CCDC146: variants seen among roughly 807,000 people sequenced by gnomAD.
CCDC146 encodes coiled-coil domain-containing protein 146.
CCDC146 carries 92 observed loss-of-function variants against 119.3 expected under a neutral mutation model. The ratio of observed to expected loss-of-function variants is 0.77; its 90% CI spans 0.65 to 0.92. The LOEUF (loss-of-function observed/expected upper bound fraction) is 0.92, where lower values mean the gene tolerates loss of function less well. Among genes scored for constraint, CCDC146 ranks in the 40% least tolerant of loss-of-function variants. The probability of loss-of-function intolerance (pLI) is 0.00; values close to 1 mark genes in which losing one functional copy is unlikely to be tolerated. For missense variants in CCDC146, 1,000 were observed against 1,103.0 expected, an observed-to-expected ratio of 0.91 and a Z score of 1.32; for synonymous variants, 372 against 371.8, an observed-to-expected ratio of 1.00 and a Z score of -0.01.
At chr7:77,124,025 T>C (rs962136553) in intron 1 of CCDC146, among the ~76,000 whole-genome samples, 30 of 152,354 alleles carry the variant, frequency 2.0e-4, no homozygotes, top group South Asian at 1.0e-3. Flanking sequence ...AAAAAGGCAC[T>C]GGTTTAAGGA....
chr7:77,176,500 C>A (rs982836590), intron 2 of CCDC146, among the ~76,000 whole-genome samples: 1 of 145,068 alleles, frequency 6.9e-6, no homozygotes, highest in Non-Finnish European at 1.5e-5. Context: ...TGGCACCATA[C>A]ATGAGAGTTC....
At chr7:77,271,332 G>A (rs1793509013) in intron 9 of CCDC146, among the ~76,000 whole-genome samples, 1 of 151,302 alleles carries the variant, frequency 6.6e-6, no homozygotes, top group Non-Finnish European at 1.5e-5. Flanking sequence ...CTCCCGTGCT[G>A]GACCCTTCCT....
intron 2 of CCDC146, among the ~76,000 whole-genome samples, chr7:77,204,492 G>T (rs762940346): frequency 6.6e-6 from 1 of 152,172 alleles, no homozygotes; most frequent in Non-Finnish European, 1.5e-5. Context: ...TACAATGAAA[G>T]ATCTATTATG....
rs1286653163 is a variant in CCDC146 at position 77,286,874 on chromosome 7, T to A, written c.2225T>A (p.Phe742Tyr). 1 of 1,614,146 alleles carries A rather than the reference T, an allele frequency of 6.2e-7. No individual in the cohort carries two copies. Among genetic ancestry groups the A allele is most frequent in the Non-Finnish European group, 8.5e-7 (1 of 1,179,982 alleles). The change falls in exon 16 of 19, where the codon TTC (phenylalanine) becomes TAC (tyrosine). Residue 742 changes from phenylalanine to tyrosine, a missense_variant. Transcript: ENST00000285871. ...CCTGATGGTGAGAATAGAGCTCGCTTCCTTCCAGGGAAAGATCTGACCGAA... is the reference window on the plus strand; with the variant it reads ...CCTGATGGTGAGAATAGAGCTCGCTACCTTCCAGGGAAAGATCTGACCGAA... ...VKPDGENRAR[F>Y]LPGKDLTEKE... is the part of the protein sequence containing the mutation.
intron 2 of CCDC146, among the ~76,000 whole-genome samples, chr7:77,178,813 G>A (rs1418038499): frequency 7.2e-5 from 11 of 152,194 alleles, no homozygotes; most frequent in Non-Finnish European, 1.0e-4. Flanking sequence ...TGGAAAGCTC[G>A]TGGCTCTTAG....
intron 2 of CCDC146, among the ~76,000 whole-genome samples, chr7:77,189,082 C>G (rs1791716721): frequency 6.6e-6 from 1 of 152,132 alleles, no homozygotes; most frequent in Non-Finnish European, 1.5e-5. Flanking sequence ...CCCTAGATGT[C>G]TTTCCTGAAC....
chr7:77,128,923 C>T (rs1204490686), intron 1 of CCDC146, among the ~76,000 whole-genome samples: 2 of 152,072 alleles, frequency 1.3e-5, no homozygotes, highest in African/African-American at 4.8e-5. Flanking sequence ...AAGGGGCCCA[C>T]AAAAACTGTA....
At chr7:77,184,530 C>T (rs138600636) in intron 2 of CCDC146, among the ~76,000 whole-genome samples, 1 of 152,278 alleles carries the variant, frequency 6.6e-6, no homozygotes, top group Non-Finnish European at 1.5e-5. Context: ...TTGTAAATGA[C>T]ACATTCTGAA....
At chr7:77,230,248 C>T (rs1208001881) in intron 2 of CCDC146, among the ~76,000 whole-genome samples, 2 of 151,946 alleles carry the variant, frequency 1.3e-5, no homozygotes, top group African/African-American at 4.8e-5. Context: ...ATGACGCTGC[C>T]ATATTTGTGT....
At chr7:77,271,234 A>G (rs901595428) in intron 9 of CCDC146, among the ~76,000 whole-genome samples, 1 of 151,816 alleles carries the variant, frequency 6.6e-6, no homozygotes, top group Non-Finnish European at 1.5e-5. Context: ...GGGTGGGCAC[A>G]ATCTAATCAG....
In CCDC146 at chr7:77,282,697, C is replaced by T; in HGVS notation, c.2060C>T (p.Ala687Val). Reference protein sequence around the residue: ...EKIQFLKMKIAEKQRQICVTQ... With the variant: ...EKIQFLKMKIVEKQRQICVTQ... Reference sequence around the variant, plus strand: ...ATCCAATTCCTGAAAATGAAGATTGCTGAGAAGCAAAGACAAATTTGTGTG... The same window carrying T: ...ATCCAATTCCTGAAAATGAAGATTGTTGAGAAGCAAAGACAAATTTGTGTG... The change falls in exon 15 of 19, where the codon GCT becomes GTT. Residue 687 changes from alanine (A) to valine (V), a missense_variant. By Grantham distance (64) the Ala-to-Val change is moderately conservative (BLOSUM62 0). Transcript: ENST00000285871. 6.2e-7 allele frequency: 1 copy of T among 1,614,118 alleles called. No individual in the cohort carries two copies. The highest frequency in any genetic ancestry group is 8.5e-7 in the Non-Finnish European group (1 of 1,179,988).
intron 1 of CCDC146, among the ~76,000 whole-genome samples, chr7:77,161,635 T>C (rs181679618): frequency 0.021 from 2,165 of 103,024 alleles, 52 homozygotes; most frequent in African/African-American, 0.079. Flanking sequence ...TGGGGACTGT[T>C]GTGGGGTGGG....
intron 2 of CCDC146, chr7:77,199,997 T>A (rs1327075605): frequency 1.8e-6 from 1 of 547,550 alleles, no homozygotes; most frequent in East Asian, 3.0e-5. Flanking sequence ...ATAGAAATAA[T>A]ATGCATTGAA....
chr7:77,279,603 G>A (rs1439949607), intron 13 of CCDC146, among the ~76,000 whole-genome samples: 2 of 152,186 alleles, frequency 1.3e-5, no homozygotes, highest in Non-Finnish European at 2.9e-5. Flanking sequence ...GCAGATTGGT[G>A]AAAGAGGTGG....
chr7:77,286,922 A>G lies in CCDC146; in HGVS notation c.2273A>G (p.Asp758Gly). The stretch of plus-strand genomic sequence containing the variant: ...GAAAAAGAAATGATCCAAAAATTAG[A>G]CAAGGTAAACATTATTGCTTAAAAT... Reference protein sequence around the residue: ...LTEKEMIQKLDKLELQLAKKE... With the variant: ...LTEKEMIQKLGKLELQLAKKE... The change falls in exon 16 of 19, where the codon GAC (aspartate) becomes GGC (glycine). Residue 758 changes from aspartate (D) to glycine (G), a missense_variant. Physicochemically the swap from Asp to Gly is moderately conservative, Grantham distance 94. Coordinates refer to ENST00000285871, the MANE Select transcript of CCDC146 (RefSeq NM_020879.3). The G allele has an allele frequency of 6.2e-7, 1 of 1,614,090 alleles. No homozygotes were observed. The highest frequency in any genetic ancestry group is 8.5e-7 in the Non-Finnish European group (1 of 1,179,978).
chr7:77,179,466 CTGT>C (rs1562824107), intron 2 of CCDC146, among the ~76,000 whole-genome samples: 4 of 152,078 alleles, frequency 2.6e-5, no homozygotes, highest in African/African-American at 9.7e-5. Flanking sequence ...AATATACACA[CTGT>C]TTTTTTCACA....
chr7:77,273,487 T>C (rs1030848403), intron 9 of CCDC146, among the ~76,000 whole-genome samples: 2 of 151,404 alleles, frequency 1.3e-5, no homozygotes, highest in African/African-American at 4.8e-5. Flanking sequence ...TGTGATGAGG[T>C]TGACTACACA....
chr7:77,246,167 G>A (rs752250664), intron 4 of CCDC146, among the ~76,000 whole-genome samples: 3 of 152,118 alleles, frequency 2.0e-5, no homozygotes, highest in Non-Finnish European at 4.4e-5. Context: ...TCCTCTCAGT[G>A]ATCATTCAGT....
intron 1 of CCDC146, among the ~76,000 whole-genome samples, chr7:77,138,084 T>C (rs1790883216): frequency 6.6e-6 from 1 of 151,376 alleles, no homozygotes; most frequent in Non-Finnish European, 1.5e-5. Context: ...ATGGTGGAGA[T>C]AGAGAGGAAG....
Sources: allele counts gnomAD v4.1 joint callset (sites outside exome capture counted in the v4.1 genomes callset), GRCh38; gene constraint gnomAD v4.1.1; transcripts MANE v1.5; gene names NCBI Gene and HGNC (gene_info 2026-07-23, HGNC 2026-07-21).